SHCBP1L: variants seen among roughly 807,000 people sequenced by gnomAD.
SHCBP1L encodes SHC binding and spindle associated 1 like.
Under a neutral mutation model 62.5 loss-of-function variants are expected in SHCBP1L, and 67 were observed. The ratio of observed to expected loss-of-function variants is 1.07; its 90% CI spans 0.88 to 1.31. The LOEUF (loss-of-function observed/expected upper bound fraction) is 1.31. Among genes scored for constraint, SHCBP1L ranks in the 40% most tolerant of loss-of-function variants. The pLI is 0.00. For missense variants in SHCBP1L, 823 were observed against 809.8 expected (o/e 1.02, Z -0.20); for synonymous variants, 284 against 289.4 (o/e 0.98, Z 0.19).
rs141404677 is a variant in SHCBP1L at position 182,900,177 on chromosome 1, A to G, written c.1768T>C (p.Tyr590His). ...TNNHIYSNKG[Y>H]GVSILQPMEQ... ...ATTGGTTGAAGAATGCTTACTCCAT[A>G]GCCTTTGTTGCTATAAATATGATTA... Residue 590 changes from tyrosine (Y) to histidine (H), a missense_variant, in exon 10 of 10, where the codon TAT (tyrosine) becomes CAT (histidine). Physicochemically the swap from Tyr to His is moderately conservative, Grantham distance 83. Transcript: ENST00000367547. 402 of 1,610,578 alleles carry G rather than the reference A, an allele frequency of 2.5e-4. No individual in the cohort carries two copies. Among genetic ancestry groups the G allele is most frequent in the South Asian group, 5.0e-4 (45 of 90,260 alleles).
intron 2 of SHCBP1L, among the ~76,000 whole-genome samples, chr1:182,949,668 G>A (rs1410796565): frequency 1.3e-5 from 2 of 151,564 alleles, no homozygotes; most frequent in African/African-American, 2.4e-5. Flanking sequence ...CTGCACTCCA[G>A]CCTGGGCAAC....
chr1:182,901,165 A>G (rs9659604), intron 9 of SHCBP1L, among the ~76,000 whole-genome samples: 14,155 of 152,234 alleles, frequency 0.093, 952 homozygotes, highest in African/African-American at 0.18. Context: ...ATCTATAGAA[A>G]GAGTGTTTCA....
intron 6 of SHCBP1L, among the ~76,000 whole-genome samples, chr1:182,906,387 C>T (rs1650013192): frequency 6.6e-6 from 1 of 151,816 alleles, no homozygotes; most frequent in Non-Finnish European, 1.5e-5. Context: ...ATTTTGTTTT[C>T]TTTAACTCAA....
rs751789664 is a variant in SHCBP1L at position 182,905,529 on chromosome 1, G to A, written c.1303C>T (p.Leu435Phe). ...IFPGEYQAAN[L>F]ALLTDDIIIK... Reference sequence around the variant, plus strand: ...ATGATGTCATCTGTCAACAAAGCAAGATTTGCAGCTTGATATTCTCCTGGA... The same window carrying A: ...ATGATGTCATCTGTCAACAAAGCAAAATTTGCAGCTTGATATTCTCCTGGA... The change falls in exon 7 of 10, where the codon CTT (leucine) becomes TTT (phenylalanine). Residue 435 changes from leucine (L) to phenylalanine (F), a missense_variant. Physicochemically the swap from Leu to Phe is conservative, Grantham distance 22 (BLOSUM62 0). Transcript: ENST00000367547. 11 of 1,613,582 alleles carry A rather than the reference G, an allele frequency of 6.8e-6. No individual in the cohort carries two copies. The highest frequency in any genetic ancestry group is 1.6e-4 in the Middle Eastern group (1 of 6,076).
At chr1:182,917,691 CT>C (rs750811071) in intron 6 of SHCBP1L, among the ~76,000 whole-genome samples, 16 of 152,116 alleles carry the variant, frequency 1.1e-4, no homozygotes, top group Admixed American at 7.9e-4. Context: ...ACATGCACTC[CT>C]GATGTCTTTT....
intron 2 of SHCBP1L, among the ~76,000 whole-genome samples, chr1:182,946,358 T>C (rs1324765678): frequency 6.6e-6 from 1 of 152,012 alleles, no homozygotes; most frequent in African/African-American, 2.4e-5. Flanking sequence ...TCCTCTTCAC[T>C]GGTTGATCCA....
At chr1:182,918,064 C>A in intron 6 of SHCBP1L, among the ~76,000 whole-genome samples, 1 of 149,854 alleles carries the variant, frequency 6.7e-6, no homozygotes, top group Non-Finnish European at 1.5e-5. Flanking sequence ...TCTCCTCTCT[C>A]TCTCTATATA....
chr1:182,918,235 TACATATATATAC>T (rs1482586157), intron 6 of SHCBP1L, among the ~76,000 whole-genome samples: 1 of 129,612 alleles, frequency 7.7e-6, no homozygotes, highest in Non-Finnish European at 1.6e-5. Context: ...CATATATATA[TACATATATATAC>T]ACACATATAT....
intron 6 of SHCBP1L, among the ~76,000 whole-genome samples, chr1:182,909,564 A>G (rs1650115373): frequency 6.6e-6 from 1 of 152,248 alleles, no homozygotes; most frequent in Non-Finnish European, 1.5e-5. Flanking sequence ...AACTGCATAG[A>G]CCAACTTATA....
chr1:182,916,984 C>G (rs1650374955), intron 6 of SHCBP1L, among the ~76,000 whole-genome samples: 1 of 151,882 alleles, frequency 6.6e-6, no homozygotes, highest in Non-Finnish European at 1.5e-5. Flanking sequence ...TATAACAAAC[C>G]CCCATGACAC....
rs777855962 is a variant in SHCBP1L at position 182,953,041 on chromosome 1, G to T, written c.93C>A (p.Ser31=). ...RRGEKSASAV[S]GDTAAATTLK... is the part of the protein sequence containing the mutation. ...GGGTGGTCGCGGCCGCCGTGTCCCCGGAGACAGCGGAGGCGGACTTCTCGC... is the reference window on the plus strand; with the variant it reads ...GGGTGGTCGCGGCCGCCGTGTCCCCTGAGACAGCGGAGGCGGACTTCTCGC... The change falls in exon 1 of 10, where the codon TCC becomes TCA. Residue 31 remains serine (S), a synonymous_variant. Transcript: ENST00000367547. The T allele has an allele frequency of 6.5e-7, 1 of 1,544,788 alleles. No homozygotes were observed. The highest frequency in any genetic ancestry group is 1.2e-5 in the South Asian group (1 of 84,554).
intron 6 of SHCBP1L, among the ~76,000 whole-genome samples, chr1:182,915,161 CAAAAAAAAAAAAAAAAAA>C (rs371432299): frequency 2.2e-4 from 7 of 31,904 alleles, no homozygotes; most frequent in Admixed American, 4.7e-4. Flanking sequence ...GACTCTGTCT[CAAAAAAAAAAAAAAAAAA>C]AAAAAAAAAA....
intron 6 of SHCBP1L, among the ~76,000 whole-genome samples, chr1:182,920,030 C>A (rs1034427861): frequency 6.6e-6 from 1 of 152,170 alleles, no homozygotes; most frequent in Non-Finnish European, 1.5e-5. Context: ...CATACAAACA[C>A]CACAGTCCCA....
chr1:182,943,459 T>G lies in SHCBP1L; in HGVS notation c.556-2916A>C, dbSNP rs577404376. ...TTTGTTTGTGTTTGTTTTTGTTTTT[T>G]TTTTTGAGACAGGGTCTCACTCTGT... On this transcript the variant is annotated intron_variant, in intron 2 of 9. Transcript: ENST00000367547. Among the ~76,000 whole-genome samples the G allele has an allele frequency of 1.1e-4, 17 of 150,926 alleles. No individual in the cohort carries two copies. In the East Asian group the frequency reaches 1.2e-3, roughly 10 times the overall value.
At chr1:182,932,025 A>G (rs115460961) in intron 5 of SHCBP1L, among the ~76,000 whole-genome samples, 3,305 of 140,530 alleles carry the variant, frequency 0.024, 128 homozygotes, top group African/African-American at 0.087. Flanking sequence ...GGAGTCATAC[A>G]GTATGTAGCC....
intron 6 of SHCBP1L, among the ~76,000 whole-genome samples, chr1:182,913,445 C>T (rs547698213): frequency 6.6e-6 from 1 of 152,274 alleles, no homozygotes; most frequent in South Asian, 2.1e-4. Flanking sequence ...GAAAGCCCCA[C>T]ATATTTTGGG....
At chr1:182,942,963 A>G (rs1347363272) in intron 2 of SHCBP1L, among the ~76,000 whole-genome samples, 5 of 152,216 alleles carry the variant, frequency 3.3e-5, no homozygotes, top group Admixed American at 2.6e-4. Flanking sequence ...CAGTTATGGG[A>G]CAGAAGAAAA....
intron 6 of SHCBP1L, among the ~76,000 whole-genome samples, chr1:182,921,703 C>T (rs1195027861): frequency 6.6e-6 from 1 of 152,110 alleles, no homozygotes; most frequent in Non-Finnish European, 1.5e-5. Flanking sequence ...GTCAGGAATT[C>T]GAGACCAGCT....
chr1:182,929,288 T>C (rs1650884673), intron 6 of SHCBP1L, among the ~76,000 whole-genome samples: 1 of 152,226 alleles, frequency 6.6e-6, no homozygotes, highest in Non-Finnish European at 1.5e-5. Context: ...TGTGTCATAA[T>C]TGTAACTGCC....
Sources: gnomAD v4.1 joint callset for allele counts (sites outside exome capture counted in the v4.1 genomes callset) on GRCh38, gnomAD v4.1.1 for gene constraint, MANE v1.5 for transcripts, NCBI Gene and HGNC (gene_info 2026-07-23, HGNC 2026-07-21) for gene names.